The following MAGT1 variants were observed in gnomAD, a reference collection of about 807,000 sequenced individuals.
MAGT1 encodes magnesium transporter 1.
Under a neutral mutation model 28.4 loss-of-function variants are expected in MAGT1, and 4 were observed. The observed-to-expected ratio is 0.14, with a 90% CI of 0.07 to 0.32. MAGT1 has a LOEUF of 0.32. Ranked by LOEUF, MAGT1 falls within the 10% of genes least tolerant of loss-of-function variation. The pLI, the probability that MAGT1 is intolerant of heterozygous loss-of-function variation, is 1.00. For missense variants in MAGT1, 193 were observed against 264.5 expected (o/e 0.73, Z 1.88); for synonymous variants, 89 against 89.7 (o/e 0.99, Z 0.04).
At chrX:77,840,928 G>T (rs1399614317) in intron 8 of MAGT1, among the ~76,000 whole-genome samples, 1 of 111,658 alleles carries the variant, frequency 9.0e-6, no homozygotes, top group African/African-American at 3.2e-5. Flanking sequence ...TTTAAAAAGG[G>T]GGTGTGAAGT....
intron 3 of MAGT1, among the ~76,000 whole-genome samples, chrX:77,864,786 A>T (rs1557216737): frequency 9.0e-6 from 1 of 110,746 alleles, no homozygotes; most frequent in African/African-American, 3.3e-5. Context: ...CTCCTGGCTC[A>T]CTACAACCTC....
chrX:77,889,464 C>T (rs370580151), intron 1 of MAGT1, among the ~76,000 whole-genome samples: 2 of 105,438 alleles, frequency 1.9e-5, no homozygotes, highest in Non-Finnish European at 1.9e-5. Flanking sequence ...CTCTGCCTCC[C>T]GGGTTCACGC....
At chrX:77,886,411 G>A (rs1234664828) in intron 1 of MAGT1, among the ~76,000 whole-genome samples, 1 of 110,156 alleles carries the variant, frequency 9.1e-6, no homozygotes, top group Non-Finnish European at 1.9e-5. Context: ...GAGGCCGCTT[G>A]AGCCCAGGAG....
intron 1 of MAGT1, among the ~76,000 whole-genome samples, chrX:77,888,113 A>G (rs1425535576): frequency 8.9e-6 from 1 of 111,939 alleles, no homozygotes; most frequent in Non-Finnish European, 1.9e-5. Context: ...CCCGGCCTCC[A>G]CTAATAGTTG....
At chrX:77,880,383 G>A (rs1557218288) in intron 1 of MAGT1, among the ~76,000 whole-genome samples, 2 of 108,108 alleles carry the variant, frequency 1.8e-5, no homozygotes, top group African/African-American at 3.4e-5. Flanking sequence ...CAAAAAATAA[G>A]CTGGGCGTGA....
At chrX:77,883,111 T>TG (rs2077057709) in intron 1 of MAGT1, among the ~76,000 whole-genome samples, 1 of 102,334 alleles carries the variant, frequency 9.8e-6, no homozygotes, top group African/African-American at 3.5e-5. Flanking sequence ...AATAACATAA[T>TG]TATATTATAA....
intron 8 of MAGT1, among the ~76,000 whole-genome samples, chrX:77,834,258 G>GTGTGTATATATGCATATA (rs2076908734): frequency 5.2e-5 from 3 of 57,703 alleles, no homozygotes; most frequent in Non-Finnish European, 1.3e-4. Context: ...ATATATACAT[G>GTGTGTATATATGCATATA]TGTGTATATA....
intron 8 of MAGT1, among the ~76,000 whole-genome samples, chrX:77,839,427 T>C (rs2076928842): frequency 9.6e-6 from 1 of 103,897 alleles, no homozygotes; most frequent in Non-Finnish European, 2.0e-5. Flanking sequence ...CACTGCAACC[T>C]CTGCCTCCCA....
chrX:77,846,210 TC>T (rs782575457), intron 7 of MAGT1, among the ~76,000 whole-genome samples: 82 of 112,089 alleles, frequency 7.3e-4, no homozygotes, highest in African/African-American at 2.6e-3. Context: ...TACCCTTTCT[TC>T]CAGCTGATCG....
chrX:77,875,958 A>T (rs2077032262), intron 1 of MAGT1, among the ~76,000 whole-genome samples: 1 of 107,170 alleles, frequency 9.3e-6, no homozygotes, highest in Non-Finnish European at 1.9e-5. Context: ...CAGCCTCCCA[A>T]GTGCTTGGAA....
chrX:77,852,822 T>A, intron 7 of MAGT1, among the ~76,000 whole-genome samples: 1 of 111,246 alleles, frequency 9.0e-6, no homozygotes, highest in Non-Finnish European at 1.9e-5. Context: ...GGTCTCAAAC[T>A]CCTGGGCTCA....
rs182559504 is a variant in MAGT1, at chrX:77,827,257, A to C, written c.*1963T>G. 2 of 111,507 alleles carry C rather than the reference A, an allele frequency of 1.8e-5. No individual in the cohort carries two copies. Among genetic ancestry groups the C allele is most frequent in the African/African-American group, 6.5e-5 (2 of 30,736 alleles). 9.2% of individuals were successfully genotyped at this position (111,507 alleles called of 1,213,427 possible). A position where few individuals can be genotyped will look rare whatever the true frequency, so the allele number is the denominator to read the frequency against. On this transcript the variant is annotated 3_prime_UTR_variant, in exon 10 of 10. Transcript: ENST00000618282. ...GGTTATTTCTACTGACAGAAACCAA[A>C]AGACAAAATAAAAAAAATCCCTTCA...
chrX:77,858,431 T>A (rs1290268705), intron 3 of MAGT1, among the ~76,000 whole-genome samples: 4 of 110,900 alleles, frequency 3.6e-5, no homozygotes, highest in African/African-American at 1.3e-4. Flanking sequence ...CTGCAAATGA[T>A]CCCCCCGCCT....
At chrX:77,883,172 C>A in intron 1 of MAGT1, among the ~76,000 whole-genome samples, 2 of 101,597 alleles carry the variant, frequency 2.0e-5, no homozygotes, top group African/African-American at 7.1e-5. Flanking sequence ...TGGGTTGGTT[C>A]CAAGTCTTTG....
At chrX:77,836,741 A>C (rs2076919753) in intron 8 of MAGT1, among the ~76,000 whole-genome samples, 1 of 110,367 alleles carries the variant, frequency 9.1e-6, no homozygotes, top group South Asian at 3.9e-4. Context: ...CCATCTCTAC[A>C]AAAAATTACC....
intron 1 of MAGT1, among the ~76,000 whole-genome samples, chrX:77,894,367 T>C (rs1569548377): frequency 1.8e-5 from 2 of 112,412 alleles, no homozygotes; most frequent in African/African-American, 3.2e-5. Context: ...AGAAGATAGC[T>C]TTCTTTCTTA....
At chrX:77,839,586 C>T (rs1485577994) in intron 8 of MAGT1, among the ~76,000 whole-genome samples, 11 of 105,360 alleles carry the variant, frequency 1.0e-4, no homozygotes, top group Non-Finnish European at 1.9e-4. Context: ...CGGCTCGCTG[C>T]AACCTCTACC....
At chrX:77,882,050 A>G (rs1405147184) in intron 1 of MAGT1, among the ~76,000 whole-genome samples, 5 of 112,388 alleles carry the variant, frequency 4.4e-5, no homozygotes, top group Non-Finnish European at 7.5e-5. Context: ...CAAAAACCAC[A>G]TGATTATCTC....
At chrX:77,829,299 A>G in intron 9 of MAGT1, 64 bp from the exon 10 acceptor site, 1 of 955,130 alleles carries the variant, frequency 1.0e-6, no homozygotes, top group South Asian at 2.0e-5. Flanking sequence ...ACTTTTAATC[A>G]ATAAGCAGTA....
Sources: gnomAD v4.1 joint callset for allele counts (sites outside exome capture counted in the v4.1 genomes callset) on GRCh38, gnomAD v4.1.1 for gene constraint, MANE v1.5 for transcripts, NCBI Gene and HGNC (gene_info 2026-07-23, HGNC 2026-07-21) for gene names.